The following ANKRD28 variants were observed in gnomAD, a reference collection of about 807,000 sequenced individuals.
ANKRD28 encodes serine/threonine-protein phosphatase 6 regulatory ankyrin repeat subunit A.
A neutral mutation model predicts 126.5 loss-of-function variants in ANKRD28; 44 were observed. That is an observed-to-expected ratio of 0.35 (90% CI 0.27 to 0.45). The LOEUF (loss-of-function observed/expected upper bound fraction) is 0.45, where lower values mean the gene tolerates loss of function less well. Among genes scored for constraint, ANKRD28 ranks in the 20% least tolerant of loss-of-function variants. The pLI is 1.00. For missense variants in ANKRD28, 1,110 were observed against 1,316.6 expected, an observed-to-expected ratio of 0.84 and a Z score of 2.43; for synonymous variants, 442 against 468.5, an observed-to-expected ratio of 0.94 and a Z score of 0.73.
At position 15,694,731 on chromosome 3, in the gene ANKRD28, G is replaced by A. The variant is rs775417972; in HGVS notation, c.1761+8C>T. On this transcript the variant is annotated splice_region_variant and intron_variant, in intron 17 of 27. Coordinates refer to ENST00000683139, the MANE Select transcript of ANKRD28 (RefSeq NM_001349278.2). ...AGCCATCAAGTCGGCTATGAAGGCA[G>A]TACTCACAGCCAAGTGTAAAGGGCT... The A allele has an allele frequency of 6.2e-6, 10 of 1,612,234 alleles. No homozygotes were observed. The Admixed American group carries it at 1.5e-4, about 24-fold the overall frequency.
intron 3 of ANKRD28, among the ~76,000 whole-genome samples, chr3:15,758,074 T>TA (rs2058262872): frequency 2.0e-5 from 3 of 152,340 alleles, no homozygotes; most frequent in South Asian, 4.1e-4. Flanking sequence ...TAGGTACTAT[T>TA]AAAGTTATTG....
intron 2 of ANKRD28, among the ~76,000 whole-genome samples, chr3:15,788,249 A>T (rs1248590080): frequency 1.3e-5 from 2 of 152,172 alleles, no homozygotes; most frequent in African/African-American, 4.8e-5. Flanking sequence ...TTATCTTTGT[A>T]TCACAGCTTA....
At chr3:15,802,682 G>C (rs749074685), upstream of ANKRD28, among the ~76,000 whole-genome samples, 94 of 152,146 alleles carry the variant, frequency 6.2e-4, no homozygotes, top group Admixed American at 3.9e-3. Context: ...GACAATCAGA[G>C]GAGAGAGAAA....
chr3:15,730,995 C>T (rs2074552424), intron 6 of ANKRD28, among the ~76,000 whole-genome samples: 1 of 152,166 alleles, frequency 6.6e-6, no homozygotes, highest in African/African-American at 2.4e-5. Flanking sequence ...AGAGGGCCCT[C>T]ACTAGATGCT....
In ANKRD28 at chr3:15,846,225, T is replaced by C. The variant is rs1178000886; in HGVS notation, c.27+13152A>G. Among the ~76,000 whole-genome samples the C allele has an allele frequency of 1.3e-5, 2 of 152,186 alleles. No individual in the cohort carries two copies. Among genetic ancestry groups the C allele is most frequent in the African/African-American group, 2.4e-5 (1 of 41,438 alleles). ...CAAGTTAGTTACTTGAAAGATACAA[T>C]GGAGGTACAGGCATTGGGTAAACGT... On this transcript the variant is annotated intron_variant, in intron 1 of 27. Coordinates refer to the ANKRD28 transcript ENST00000399451. The surrounding 1 kb of genome is among the most constrained non-coding windows in gnomAD (Gnocchi z 5.4).
intron 7 of ANKRD28, 62 bp from the exon 8 acceptor site, chr3:15,721,189 C>G (rs78257767): frequency 0.13 from 192,567 of 1,436,984 alleles, 14,019 homozygotes; most frequent in East Asian, 0.21. Flanking sequence ...ATGTTGTGAG[C>G]TATTTTAGCA....
rs28628268 is a variant in ANKRD28, at chr3:15,830,318, C to A, written c.27+29059G>T. Among the ~76,000 whole-genome samples, 6,217 of 152,236 alleles carry A rather than the reference C, an allele frequency of 0.041. 418 individuals are homozygous for A. The highest frequency in any genetic ancestry group is 0.14 in the African/African-American group (5,764 of 41,508). On this transcript the variant is annotated intron_variant, in intron 1 of 27. Transcript: ENST00000399451. The surrounding 1 kb of genome is among the most constrained non-coding windows in gnomAD (Gnocchi z 4.5). ...AAGTCTCTTAGACCAGGGTCCCTAA[C>A]CCCTGGACTGAGGACTGCTAGCCAT...
chr3:15,749,101 GT>G (rs869266246), intron 4 of ANKRD28, among the ~76,000 whole-genome samples: 2,339 of 53,002 alleles, frequency 0.044, 12 homozygotes, highest in South Asian at 0.09. Flanking sequence ...TTATGTTTTT[GT>G]TTTTTTTTTT....
upstream of ANKRD28, among the ~76,000 whole-genome samples, chr3:15,799,893 G>A (rs76345804): frequency 3.9e-3 from 593 of 151,996 alleles, 6 homozygotes; most frequent in East Asian, 0.024. Flanking sequence ...GAATTCTGTC[G>A]TCACGAGACT....
At chr3:15,724,294 T>C in intron 7 of ANKRD28, 88 bp downstream of exon 7, 1 of 1,157,924 alleles carries the variant, frequency 8.6e-7, no homozygotes, top group South Asian at 1.8e-5. Flanking sequence ...TATAAAATAA[T>C]TTCTTAAACC....
chr3:15,794,695 G>T (rs1285545391), intron 2 of ANKRD28, among the ~76,000 whole-genome samples: 1 of 152,056 alleles, frequency 6.6e-6, no homozygotes, highest in Non-Finnish European at 1.5e-5. Context: ...TTCCAACAAT[G>T]ACTTTACTGA....
At chr3:15,720,712 ATTT>A (rs1352877085) in intron 8 of ANKRD28, among the ~76,000 whole-genome samples, 200 bp downstream of exon 8, 1 of 152,140 alleles carries the variant, frequency 6.6e-6, no homozygotes, top group Admixed American at 6.5e-5. Flanking sequence ...TATAAATGGA[ATTT>A]TATTGGTTCT....
At chr3:15,714,472 C>G (rs893977306) in intron 9 of ANKRD28, 106 bp downstream of exon 9, 3 of 776,492 alleles carry the variant, frequency 3.9e-6, no homozygotes, top group African/African-American at 2.0e-5. Flanking sequence ...TAAAAATACA[C>G]AAAATGCGAT....
At position 15,830,726 on chromosome 3, in the gene ANKRD28, T is replaced by C. The variant is rs995733872; in HGVS notation, c.27+28651A>G. 4.6e-5 allele frequency among the ~76,000 whole-genome samples: 7 copies of C among 152,060 alleles called. No individual in the cohort carries two copies. Among genetic ancestry groups the C allele is most frequent in the Non-Finnish European group, 1.0e-4 (7 of 68,022 alleles). On this transcript the variant is annotated intron_variant, in intron 1 of 27. Coordinates refer to the ANKRD28 transcript ENST00000399451. This position sits in a 1 kb window ranked among gnomAD's most constrained non-coding sequence, Gnocchi z 4.5. ...CTCCTAGGAGGTAACTGCTAACCCC[T>C]TGGAATGTCCTGCTTGATAAAGAGT...
chr3:15,677,515 T>C lies in ANKRD28; in HGVS notation c.2755A>G (p.Ser919Gly). Residue 919 changes from serine (S) to glycine (G), a missense_variant, in exon 25 of 28, where the codon AGT becomes GGT. By Grantham distance (56) the Ser-to-Gly change is moderately conservative. Coordinates refer to ENST00000683139, the MANE Select transcript of ANKRD28 (RefSeq NM_001349278.2). ...GCCAAATGGAGGGCAGTATTTTTAC[T>C]GTTATCTTGTAAAGTCAGTTCTGCA... is the stretch of plus-strand genomic sequence containing the variant. ...ASAELTLQDN[S>G]KNTALHLACS... 3 of 1,613,144 alleles carry C rather than the reference T, an allele frequency of 1.9e-6. No homozygotes were observed. The highest frequency in any genetic ancestry group is 8.5e-7 in the Non-Finnish European group (1 of 1,179,302).
At chr3:15,824,506 T>C (rs2061016731) in intron 1 of ANKRD28, among the ~76,000 whole-genome samples, 1 of 152,122 alleles carries the variant, frequency 6.6e-6, no homozygotes, top group Non-Finnish European at 1.5e-5. Context: ...TTCAGCAAAG[T>C]TGCAGAATAT....
At chr3:15,676,920 T>A (rs1010828957) in intron 26 of ANKRD28, 54 bp downstream of exon 26, 1 of 1,442,900 alleles carries the variant, frequency 6.9e-7, no homozygotes, top group Admixed American at 1.8e-5. Flanking sequence ...AATCCATTTA[T>A]CATTTTTATA....
Position 15,707,958 on chromosome 3 carries a change from G to A in ANKRD28, c.1513C>T (p.Leu505=), listed in dbSNP as rs745306537. Residue 505 remains leucine, a synonymous_variant, in exon 14 of 28, where the codon CTG becomes TTG. Coordinates refer to ENST00000683139, the MANE Select transcript of ANKRD28 (RefSeq NM_001349278.2). ...GTGTCTGATGTAGCTGCATAGTGCA[G>A]GGGTGTGCAGCCTCTTTCATCAAGG... The part of the protein sequence containing the change: ...NDLDERGCTP[L]HYAATSDTDG... 30 of 1,613,132 alleles carry A rather than the reference G, an allele frequency of 1.9e-5. No individual in the cohort carries two copies. Among genetic ancestry groups the A allele is most frequent in the South Asian group, 5.5e-5 (5 of 90,934 alleles).
intron 2 of ANKRD28, among the ~76,000 whole-genome samples, chr3:15,786,744 A>C (rs569590205): frequency 6.6e-6 from 1 of 152,204 alleles, no homozygotes; most frequent in Non-Finnish European, 1.5e-5. Flanking sequence ...TTGCTATACC[A>C]TATAACTATC....
Sources: allele counts gnomAD v4.1 joint callset (sites outside exome capture counted in the v4.1 genomes callset), GRCh38; gene constraint gnomAD v4.1.1; non-coding constraint Gnocchi (gnomAD v3.1); transcripts MANE v1.5; gene names NCBI Gene and HGNC (gene_info 2026-07-23, HGNC 2026-07-21).